Variants in GALNTL6 observed in about 807,000 individuals in gnomAD.
GALNTL6 encodes the protein polypeptide N-acetylgalactosaminyltransferase-like 6.
In GALNTL6, 46 loss-of-function variants were observed where a neutral mutation model predicts 73.7. The observed-to-expected ratio is 0.62, with a 90% CI of 0.49 to 0.80. GALNTL6 has a LOEUF of 0.80. GALNTL6 is among the 30% of genes least tolerant of loss of function. GALNTL6 has a pLI of 0.00. For missense variants in GALNTL6, 604 were observed against 755.0 expected (o/e 0.80, Z 2.34); for synonymous variants, 259 against 263.7 (o/e 0.98, Z 0.17).
intron 2 of GALNTL6, among the ~76,000 whole-genome samples, chr4:171,853,423 C>T (rs946914074): frequency 5.9e-5 from 9 of 151,322 alleles, no homozygotes; most frequent in Non-Finnish European, 1.2e-4. Context: ...TCCTCCTTTA[C>T]TGCCCTTTCC....
At chr4:172,353,206 T>C (rs1039076575) in intron 5 of GALNTL6, among the ~76,000 whole-genome samples, 1 of 152,128 alleles carries the variant, frequency 6.6e-6, no homozygotes, top group Non-Finnish European at 1.5e-5. Context: ...TTTGGGAGGC[T>C]GAGACAGGAT....
At chr4:173,010,168 C>A (rs1367280250) in intron 11 of GALNTL6, among the ~76,000 whole-genome samples, 1 of 152,170 alleles carries the variant, frequency 6.6e-6, no homozygotes, top group Non-Finnish European at 1.5e-5. Flanking sequence ...CTCCCACTAC[C>A]CTTGCCAGCC....
chr4:171,818,736 A>C (rs1232032308), intron 2 of GALNTL6, among the ~76,000 whole-genome samples: 2 of 151,970 alleles, frequency 1.3e-5, no homozygotes, highest in Non-Finnish European at 2.9e-5. Flanking sequence ...ATATATGGAA[A>C]ATATTGTGGG....
chr4:172,243,039 C>T (rs578025796), intron 3 of GALNTL6, among the ~76,000 whole-genome samples: 1 of 145,672 alleles, frequency 6.9e-6, no homozygotes, highest in Non-Finnish European at 1.5e-5. Flanking sequence ...AACTTTATTC[C>T]ACTACCCATA....
intron 2 of GALNTL6, among the ~76,000 whole-genome samples, chr4:171,940,864 T>TAAAGAAAA (rs35996530): frequency 7.0e-6 from 1 of 142,246 alleles, no homozygotes; most frequent in African/African-American, 2.7e-5. Context: ...AATAAATAAA[T>TAAAGAAAA]ATATAAGTCA....
At chr4:172,813,453 T>A in intron 6 of GALNTL6, 87 bp from the exon 7 acceptor site, 1 of 1,082,390 alleles carries the variant, frequency 9.2e-7, no homozygotes, top group Non-Finnish European at 1.4e-6. Flanking sequence ...TATGCATTAG[T>A]GGAGGACTGT....
At chr4:172,467,447 T>C (rs189432015) in intron 5 of GALNTL6, among the ~76,000 whole-genome samples, 1 of 152,250 alleles carries the variant, frequency 6.6e-6, no homozygotes. Flanking sequence ...GCAGCTTGAC[T>C]GGCTGATGGT....
Position 172,467,714 on chromosome 4 carries a change from AT to A in GALNTL6, c.553+119028del, listed in dbSNP as rs200718030. On this transcript the variant is annotated intron_variant, in intron 5 of 12. Transcript: ENST00000506823. Reference sequence around the variant, plus strand: ...TGTATTTATGGCATTTAAAATAAGAATTTGGAAAGAAAAATTGAAGCCATCC... The same window carrying A: ...TGTATTTATGGCATTTAAAATAAGAATTGGAAAGAAAAATTGAAGCCATCC... 8.3e-3 allele frequency among the ~76,000 whole-genome samples: 1,261 copies of A among 152,254 alleles called. 10 individuals are homozygous for A. The highest frequency in any genetic ancestry group is 0.029 in the African/African-American group (1,193 of 41,516).
chr4:172,541,989 C>G (rs1414347225), intron 5 of GALNTL6, among the ~76,000 whole-genome samples: 4 of 151,888 alleles, frequency 2.6e-5, no homozygotes, highest in Non-Finnish European at 5.9e-5. Flanking sequence ...GAAGCAGCTA[C>G]ATTGTCTGAG....
intron 10 of GALNTL6, among the ~76,000 whole-genome samples, chr4:172,980,445 A>G (rs1157874273): frequency 6.6e-6 from 1 of 152,144 alleles, no homozygotes; most frequent in African/African-American, 2.4e-5. Context: ...TCTGGCTGCT[A>G]TAACACAGTG....
In GALNTL6 at chr4:172,972,499, T is replaced by A. The variant is rs183545706; in HGVS notation, c.1371+20241T>A. ...TTCAACATCAGCTACTTTCGGAAAA[T>A]AGCCACATTCTAGCTTTGTCCACTG... is the stretch of plus-strand genomic sequence containing the variant. On this transcript the variant is annotated intron_variant, in intron 10 of 12. Transcript: ENST00000506823. Among the ~76,000 whole-genome samples, 591 of 152,272 alleles carry A rather than the reference T, an allele frequency of 3.9e-3. 3 individuals carry two copies. The highest frequency in any genetic ancestry group is 0.014 in the African/African-American group (564 of 41,546).
rs144788480 is a variant in GALNTL6 at position 172,764,351 on chromosome 4, T to C, written c.554-45010T>C. ...AATGTTGAAAAACCATTTGGAAATA[T>C]ACATCAAAACTGGAGATCCATTTGT... On this transcript the variant is annotated intron_variant, in intron 5 of 12. Coordinates refer to ENST00000506823, the MANE Select transcript of GALNTL6 (RefSeq NM_001034845.3). Among the ~76,000 whole-genome samples the C allele has an allele frequency of 6.6e-5, 10 of 152,334 alleles. No individual in the cohort carries two copies. In the East Asian group the frequency reaches 1.9e-3, roughly 29 times the overall value.
chr4:172,754,989 A>G (rs980805023), intron 5 of GALNTL6, among the ~76,000 whole-genome samples: 5 of 152,120 alleles, frequency 3.3e-5, no homozygotes, highest in Admixed American at 2.6e-4. Context: ...AAAACTACCA[A>G]TTGCCCACCC....
chr4:172,172,360 G>A (rs1013704254), intron 2 of GALNTL6, among the ~76,000 whole-genome samples: 1 of 152,044 alleles, frequency 6.6e-6, no homozygotes, highest in Admixed American at 6.6e-5. Flanking sequence ...ACCATGCCCG[G>A]CTAATTTTGT....
chr4:172,310,777 T>C (rs754373267), intron 3 of GALNTL6, among the ~76,000 whole-genome samples: 11 of 151,894 alleles, frequency 7.2e-5, no homozygotes, highest in Non-Finnish European at 1.3e-4. Flanking sequence ...TTTGTAAATA[T>C]ATAAAATATA....
At chr4:172,797,662 C>T (rs1429627663) in intron 5 of GALNTL6, among the ~76,000 whole-genome samples, 1 of 152,138 alleles carries the variant, frequency 6.6e-6, no homozygotes, top group Non-Finnish European at 1.5e-5. Context: ...TCTCAGCCTC[C>T]TGTGTAGCTG....
chr4:172,133,621 T>G (rs1733558586), intron 2 of GALNTL6, among the ~76,000 whole-genome samples: 1 of 152,180 alleles, frequency 6.6e-6, no homozygotes, highest in Non-Finnish European at 1.5e-5. Context: ...CTGATTTGTA[T>G]GGGGTTGAGA....
At chr4:172,754,671 A>C (rs753634907) in intron 5 of GALNTL6, among the ~76,000 whole-genome samples, 9 of 152,146 alleles carry the variant, frequency 5.9e-5, no homozygotes, top group Non-Finnish European at 1.2e-4. Flanking sequence ...TAAAATACAA[A>C]ATTAAGCTAT....
intron 3 of GALNTL6, among the ~76,000 whole-genome samples, chr4:172,280,918 T>C (rs1739022993): frequency 2.0e-5 from 3 of 151,768 alleles, no homozygotes; most frequent in Non-Finnish European, 4.4e-5. Context: ...CCCAGCACTT[T>C]GGGAGGCCAA....
Sources: allele counts gnomAD v4.1 joint callset (sites outside exome capture counted in the v4.1 genomes callset), GRCh38; gene constraint gnomAD v4.1.1; transcripts MANE v1.5; gene names NCBI Gene and HGNC (gene_info 2026-07-23, HGNC 2026-07-21).